The following DENND5B variants were observed in gnomAD, a reference collection of about 807,000 sequenced individuals.
The protein encoded by DENND5B is DENN domain containing 5B, also known as DENN domain-containing protein 5B.
DENND5B carries 34 observed loss-of-function variants against 140.6 expected under a neutral mutation model. The observed-to-expected ratio is 0.24, with a 90% CI of 0.18 to 0.32. The LOEUF (loss-of-function observed/expected upper bound fraction) is 0.32. Among genes scored for constraint, DENND5B ranks in the 10% least tolerant of loss-of-function variants. DENND5B has a pLI of 1.00. For synonymous variants in DENND5B, 551 were observed against 562.1 expected (o/e 0.98, Z 0.28); for missense variants, 1,142 against 1,560.2 (o/e 0.73, Z 4.52).
At chr12:31,422,291 G>A (rs1044791102) in intron 11 of DENND5B, among the ~76,000 whole-genome samples, 4 of 151,290 alleles carry the variant, frequency 2.6e-5, no homozygotes, top group South Asian at 2.1e-4. Flanking sequence ...ATAGCTGGGC[G>A]TGCTCACGGG....
chr12:31,556,270 C>T (rs1385887590), intron 1 of DENND5B, among the ~76,000 whole-genome samples: 5 of 152,102 alleles, frequency 3.3e-5, no homozygotes, highest in Non-Finnish European at 5.9e-5. Context: ...AGCAGCATGA[C>T]CTCGGCTCAC....
intron 4 of DENND5B, 145 bp from the exon 5 acceptor site, chr12:31,452,621 C>G: frequency 1.3e-6 from 1 of 793,426 alleles, no homozygotes; most frequent in South Asian, 2.4e-5. Context: ...CCCAGGGGTT[C>G]GAGACAAGAC....
intron 2 of DENND5B, 115 bp downstream of exon 2, chr12:31,495,695 A>T: frequency 1.1e-6 from 1 of 879,252 alleles, no homozygotes. Flanking sequence ...TTATAAAATC[A>T]CTTAAAGAAT....
intron 1 of DENND5B, among the ~76,000 whole-genome samples, chr12:31,521,379 C>T (rs1258009236): frequency 2.0e-5 from 3 of 151,554 alleles, no homozygotes; most frequent in Non-Finnish European, 2.9e-5. Context: ...CTCGAACTCC[C>T]GGGTTCAAGT....
chr12:31,533,248 G>C (rs1163700119), intron 1 of DENND5B, among the ~76,000 whole-genome samples: 6 of 149,540 alleles, frequency 4.0e-5, no homozygotes, highest in Non-Finnish European at 8.9e-5. Flanking sequence ...GAAAATATTT[G>C]AAGAAAAAAA....
chr12:31,532,852 C>T (rs1466228609), intron 1 of DENND5B, among the ~76,000 whole-genome samples: 1 of 152,198 alleles, frequency 6.6e-6, no homozygotes, highest in Non-Finnish European at 1.5e-5. Flanking sequence ...GATTATTTCA[C>T]TGGCTGAATT....
chr12:31,509,532 T>C (rs61663978), intron 1 of DENND5B, among the ~76,000 whole-genome samples: 10,546 of 152,240 alleles, frequency 0.069, 791 homozygotes, highest in African/African-American at 0.19. Flanking sequence ...GAGCCAAGAC[T>C]CTTTCTCAAA....
At chr12:31,511,939 T>TTTTA (rs1338400144) in intron 1 of DENND5B, among the ~76,000 whole-genome samples, 27 of 147,346 alleles carry the variant, frequency 1.8e-4, no homozygotes, top group South Asian at 1.3e-3. Context: ...TTTTTTTTTT[T>TTTTA]TTGTGACGGA....
At chr12:31,449,006 A>AT (rs1304920797) in intron 5 of DENND5B, among the ~76,000 whole-genome samples, 39 of 151,146 alleles carry the variant, frequency 2.6e-4, no homozygotes, top group Non-Finnish European at 2.7e-4. Context: ...TAAAAGTGTC[A>AT]TTTTTTTTTC....
At chr12:31,406,884 C>T (rs1942152293) in intron 14 of DENND5B, among the ~76,000 whole-genome samples, 1 of 152,126 alleles carries the variant, frequency 6.6e-6, no homozygotes, top group Non-Finnish European at 1.5e-5. Context: ...ACTGCAACCT[C>T]TGCCTCCCGG....
rs193089303 is a variant in DENND5B, at chr12:31,420,708, T to C, written c.2470+2889A>G. On this transcript the variant is annotated intron_variant, in intron 11 of 20. Coordinates refer to ENST00000389082, the MANE Select transcript of DENND5B (RefSeq NM_144973.4). Reference sequence around the variant, plus strand: ...ATTTGTCCTCCTTGAGCTCCCACAGTGCTGGAATTACAGGCATGAGCCACC... The same window carrying C: ...ATTTGTCCTCCTTGAGCTCCCACAGCGCTGGAATTACAGGCATGAGCCACC... 5.3e-3 allele frequency among the ~76,000 whole-genome samples: 810 copies of C among 152,250 alleles called. 1 individual carries two copies. Among genetic ancestry groups the C allele is most frequent in the Non-Finnish European group, 9.4e-3 (639 of 68,008 alleles).
intron 1 of DENND5B, among the ~76,000 whole-genome samples, chr12:31,573,886 T>C (rs1409627029): frequency 1.3e-5 from 2 of 151,324 alleles, no homozygotes; most frequent in Non-Finnish European, 2.9e-5. Flanking sequence ...GCCCAGGAGG[T>C]TGAGGCTGTA....
At chr12:31,547,557 C>A (rs908259052) in intron 1 of DENND5B, among the ~76,000 whole-genome samples, 7 of 151,962 alleles carry the variant, frequency 4.6e-5, no homozygotes, top group Non-Finnish European at 1.0e-4. Flanking sequence ...TGCCACCAAG[C>A]TGGCTAATTT....
intron 13 of DENND5B, among the ~76,000 whole-genome samples, chr12:31,412,959 C>T (rs548857374): frequency 5.9e-4 from 89 of 151,938 alleles, no homozygotes; most frequent in Non-Finnish European, 5.3e-4. Context: ...CTTGCACTGT[C>T]GCCCAGACTG....
intron 1 of DENND5B, among the ~76,000 whole-genome samples, chr12:31,569,462 G>GC (rs1565705208): frequency 6.6e-6 from 1 of 151,962 alleles, no homozygotes; most frequent in African/African-American, 2.4e-5. Flanking sequence ...TCCACAATTT[G>GC]CCCCCTTACA....
intron 7 of DENND5B, among the ~76,000 whole-genome samples, chr12:31,441,379 G>T (rs906693703): frequency 6.6e-6 from 1 of 152,028 alleles, no homozygotes; most frequent in Non-Finnish European, 1.5e-5. Flanking sequence ...TAGAGACAGG[G>T]CCTTCCTATG....
At chr12:31,409,595 C>T (rs1942332818) in intron 13 of DENND5B, among the ~76,000 whole-genome samples, 1 of 151,304 alleles carries the variant, frequency 6.6e-6, no homozygotes, top group East Asian at 2.0e-4. Flanking sequence ...TCTCCTGCCT[C>T]AGCCTCATGA....
At chr12:31,395,086 T>C (rs534750298) in intron 17 of DENND5B, among the ~76,000 whole-genome samples, 1 of 152,328 alleles carries the variant, frequency 6.6e-6, no homozygotes, top group African/African-American at 2.4e-5. Context: ...TTTTTGGCTA[T>C]TATGAATAAA....
At chr12:31,546,415 G>A (rs547299719) in intron 1 of DENND5B, among the ~76,000 whole-genome samples, 13 of 152,068 alleles carry the variant, frequency 8.5e-5, no homozygotes, top group Admixed American at 3.3e-4. Context: ...GGCCAGGTGC[G>A]GTGGCTCACA....
Sources: gnomAD v4.1 joint callset for allele counts (sites outside exome capture counted in the v4.1 genomes callset) on GRCh38, gnomAD v4.1.1 for gene constraint, MANE v1.5 for transcripts, NCBI Gene and HGNC (gene_info 2026-07-23, HGNC 2026-07-21) for gene names.